The following HDX variants were observed in gnomAD, a reference collection of about 807,000 sequenced individuals.
HDX encodes highly divergent homeobox, also known as chromosome X open reading frame 43.
A neutral mutation model predicts 45.2 loss-of-function variants in HDX; 19 were observed. The observed-to-expected ratio is 0.42, with a 90% confidence interval of 0.29 to 0.62. The LOEUF (loss-of-function observed/expected upper bound fraction) is 0.62, where lower values mean the gene tolerates loss of function less well. Ranked by LOEUF, HDX falls within the 20% of genes least tolerant of loss-of-function variation. The probability of loss-of-function intolerance (pLI) is 0.20; values close to 1 mark genes in which losing one functional copy is unlikely to be tolerated. For synonymous variants in HDX, 188 were observed against 172.8 expected (o/e 1.09, Z -0.69); for missense variants, 532 against 493.9 (o/e 1.08, Z -0.73).
intron 4 of HDX, among the ~76,000 whole-genome samples, chrX:84,444,608 G>A (rs935949387): frequency 2.9e-4 from 32 of 110,905 alleles, no homozygotes; most frequent in African/African-American, 9.8e-4. Flanking sequence ...TGGAGCTAAC[G>A]GAGAATTGCA....
chrX:84,390,394 C>T (rs1216612643), intron 5 of HDX, among the ~76,000 whole-genome samples: 1 of 111,561 alleles, frequency 9.0e-6, no homozygotes, highest in Non-Finnish European at 1.9e-5. Context: ...GTGATATAGC[C>T]TCTGTTGTAC....
intron 5 of HDX, among the ~76,000 whole-genome samples, chrX:84,389,283 G>C (rs959706578): frequency 4.5e-5 from 5 of 111,809 alleles, no homozygotes; most frequent in African/African-American, 6.5e-5. Context: ...GCCACGCCTG[G>C]CTTTCTTTTG....
intron 5 of HDX, among the ~76,000 whole-genome samples, chrX:84,417,721 G>C (rs139589120): frequency 9.0e-6 from 1 of 111,702 alleles, no homozygotes; most frequent in South Asian, 3.8e-4. Flanking sequence ...GTGAAACATG[G>C]CTTCTATGTT....
chrX:84,434,284 C>CT (rs1478172928), intron 5 of HDX, among the ~76,000 whole-genome samples: 218 of 109,639 alleles, frequency 2.0e-3, no homozygotes, highest in African/African-American at 7.2e-3. Context: ...AGGCTTTCAC[C>CT]CTTTTTCCAT....
rs1208481187 is a variant in HDX, at chrX:84,417,219, AG to A, written c.1305+23312del. Reference sequence around the variant, plus strand: ...AAGAAAGAAGAAAGAAAAAAAAGAGAGAAAGAAAGAAAGAAAGAAAGAAAGA... The same window carrying A: ...AAGAAAGAAGAAAGAAAAAAAAGAGAAAAGAAAGAAAGAAAGAAAGAAAGA... On this transcript the variant is annotated intron_variant, in intron 5 of 10. Coordinates refer to ENST00000373177, the MANE Select transcript of HDX (RefSeq NM_001177479.2). 1.1e-3 allele frequency among the ~76,000 whole-genome samples: 24 copies of A among 22,440 alleles called. No individual in the cohort carries two copies. In the East Asian group the frequency reaches 0.032, roughly 30 times the overall value. 19.5% of individuals were successfully genotyped at this position (22,440 alleles called of 115,157 possible). A position where few individuals can be genotyped will look rare whatever the true frequency, so the allele number is the denominator to read the frequency against.
chrX:84,397,452 C>A (rs2038592321), intron 5 of HDX, among the ~76,000 whole-genome samples: 1 of 111,594 alleles, frequency 9.0e-6, no homozygotes, highest in Non-Finnish European at 1.9e-5. Flanking sequence ...CTGTTAGTTG[C>A]AGGGTCTGCA....
intron 5 of HDX, among the ~76,000 whole-genome samples, chrX:84,425,633 A>C (rs769726697): frequency 8.9e-6 from 1 of 112,186 alleles, no homozygotes; most frequent in South Asian, 3.6e-4. Context: ...GTAATGAAAA[A>C]AATGAGATTC....
At chrX:84,403,247 A>G (rs1043383802) in intron 5 of HDX, among the ~76,000 whole-genome samples, 2 of 111,178 alleles carry the variant, frequency 1.8e-5, no homozygotes, top group South Asian at 7.4e-4. Flanking sequence ...CTAAATCTAA[A>G]TAAGAAAATT....
chrX:84,428,971 CCT>C (rs2148030356), intron 5 of HDX, among the ~76,000 whole-genome samples: 1 of 110,006 alleles, frequency 9.1e-6, no homozygotes, highest in South Asian at 3.8e-4. Context: ...AAAAGACTAC[CCT>C]GTTTCCACTG....
At chrX:84,413,868 A>G (rs1211721808) in intron 5 of HDX, among the ~76,000 whole-genome samples, 2 of 111,626 alleles carry the variant, frequency 1.8e-5, no homozygotes, top group Admixed American at 9.5e-5. Context: ...TTAGGGGAGT[A>G]GATCACTAAG....
intron 1 of HDX, among the ~76,000 whole-genome samples, 172 bp from the exon 2 acceptor site, chrX:84,488,304 A>G (rs961866736): frequency 3.1e-5 from 3 of 96,264 alleles, no homozygotes; most frequent in Non-Finnish European, 6.2e-5. Context: ...TTGGGCTGAT[A>G]TTACTGGTTT....
At chrX:84,390,841 C>G (rs1419401285) in intron 5 of HDX, among the ~76,000 whole-genome samples, 1 of 111,760 alleles carries the variant, frequency 8.9e-6, no homozygotes, top group East Asian at 2.8e-4. Context: ...CTTATTGGGA[C>G]ATAATATTTT....
rs1261852992 is a variant in HDX, at chrX:84,319,650, A to G, written c.*2239T>C. On this transcript the variant is annotated 3_prime_UTR_variant, in exon 11 of 11. Coordinates refer to ENST00000373177, the MANE Select transcript of HDX (RefSeq NM_001177479.2). ...TCTATTTTGATGAAATGTTAAACAGAGACAAAAAGATCATCTATGCTTTCT... is the reference window on the plus strand; with the variant it reads ...TCTATTTTGATGAAATGTTAAACAGGGACAAAAAGATCATCTATGCTTTCT... The G allele has an allele frequency of 9.0e-6, 1 of 111,645 alleles. No individual in the cohort carries two copies. The highest frequency in any genetic ancestry group is 1.9e-5 in the Non-Finnish European group (1 of 52,689). The allele number at this position is 111,645 out of a possible 1,213,427, so 9.2% of individuals were successfully genotyped here.
chrX:84,367,190 G>T, intron 5 of HDX, among the ~76,000 whole-genome samples: 1 of 111,704 alleles, frequency 9.0e-6, no homozygotes, highest in Non-Finnish European at 1.9e-5. Context: ...GTGGGTGAAG[G>T]ATATAAATAA....
intron 5 of HDX, among the ~76,000 whole-genome samples, chrX:84,410,508 G>A (rs1241096261): frequency 9.0e-6 from 1 of 111,700 alleles, no homozygotes; most frequent in Non-Finnish European, 1.9e-5. Flanking sequence ...ATCCCAGGAA[G>A]AAAACCTACT....
In HDX at chrX:84,356,404, A is replaced by G. The variant is rs927439011; in HGVS notation, c.1452+5062T>C. ...ACAGTTCCTTATTCTTTCATCTAATATGAGTCTGAACAAATATTAAGCAAG... is the reference window on the plus strand; with the variant it reads ...ACAGTTCCTTATTCTTTCATCTAATGTGAGTCTGAACAAATATTAAGCAAG... On this transcript the variant is annotated intron_variant, in intron 6 of 10. Transcript: ENST00000373177. 1.8e-4 allele frequency among the ~76,000 whole-genome samples: 20 copies of G among 111,131 alleles called. No individual in the cohort carries two copies. The Admixed American group carries it at 1.8e-3, about 10-fold the overall frequency.
At chrX:84,337,853 A>G (rs2036999009) in intron 7 of HDX, among the ~76,000 whole-genome samples, 1 of 111,300 alleles carries the variant, frequency 9.0e-6, no homozygotes, top group Non-Finnish European at 1.9e-5. Context: ...CTCCAGGCTG[A>G]GCTAGGGGAA....
At chrX:84,391,778 T>C (rs780585124) in intron 5 of HDX, among the ~76,000 whole-genome samples, 2 of 111,784 alleles carry the variant, frequency 1.8e-5, no homozygotes, top group Admixed American at 1.9e-4. Flanking sequence ...TTGCCCAATT[T>C]TTAATAGGAT....
chrX:84,426,252 T>C (rs1300058852), intron 5 of HDX, among the ~76,000 whole-genome samples: 2 of 110,932 alleles, frequency 1.8e-5, no homozygotes, highest in African/African-American at 6.5e-5. Context: ...AACAACAGTA[T>C]GAAGACTCCT....
Sources: gnomAD v4.1 joint callset for allele counts (sites outside exome capture counted in the v4.1 genomes callset) on GRCh38, gnomAD v4.1.1 for gene constraint, MANE v1.5 for transcripts, NCBI Gene and HGNC (gene_info 2026-07-23, HGNC 2026-07-21) for gene names.